Variants in TJP3 observed in about 807,000 individuals in gnomAD.
The protein encoded by TJP3 is tight junction protein 3, also known as tight junction protein ZO-3.
A neutral mutation model predicts 104.2 loss-of-function variants in TJP3; 85 were observed. The observed-to-expected ratio is 0.82, with a 90% CI of 0.68 to 0.98. The LOEUF is 0.98. TJP3 is among the 50% of genes least tolerant of loss of function. The probability of loss-of-function intolerance (pLI) is 0.00; values close to 1 mark genes in which losing one functional copy is unlikely to be tolerated. For synonymous variants in TJP3, 550 were observed against 550.6 expected, an observed-to-expected ratio of 1.00 and a Z score of 0.02; for missense variants, 1,367 against 1,322.8, an observed-to-expected ratio of 1.03 and a Z score of -0.52.
chr19:3,746,708 G>A lies in TJP3; in HGVS notation c.2221+13G>A. ...CACCTCTTCACAGGTTGGGGGGTGGGTGTCCCAGGGTAGGCGGGTGGGCCC... is the reference window on the plus strand; with the variant it reads ...CACCTCTTCACAGGTTGGGGGGTGGATGTCCCAGGGTAGGCGGGTGGGCCC... On this transcript the variant is annotated intron_variant, in intron 17 of 20. Transcript: ENST00000541714. This position sits in a 1 kb window ranked among gnomAD's most constrained non-coding sequence, Gnocchi z 4.1. The A allele has an allele frequency of 1.2e-6, 2 of 1,606,302 alleles. No individual in the cohort carries two copies. Among genetic ancestry groups the A allele is most frequent in the Non-Finnish European group, 1.7e-6 (2 of 1,176,474 alleles).
Position 3,746,853 on chromosome 19 carries a change from C to T in TJP3, c.2299C>T (p.Pro767Ser), listed in dbSNP as rs2036901713. ...CATCATTCGAGAGCAGCAGACGCGG[C>T]CCATCTGGACGGCGGAAGATCAGGT... Reference protein sequence around the residue: ...KAIIREQQTRPIWTAEDQLDG... With the variant: ...KAIIREQQTRSIWTAEDQLDG... The change falls in exon 18 of 21, where the codon CCC becomes TCC. Residue 767 changes from proline to serine, a missense_variant. Coordinates refer to ENST00000541714, the MANE Select transcript of TJP3 (RefSeq NM_001267560.2). The surrounding 1 kb of genome is among the most constrained non-coding windows in gnomAD (Gnocchi z 4.1). 1 of 1,610,238 alleles carries T rather than the reference C, an allele frequency of 6.2e-7. No individual in the cohort carries two copies.
chr19:3,730,508 G>A lies in TJP3; in HGVS notation c.415G>A (p.Gly139Ser), dbSNP rs374787420. ...TGACGGCGACTCATCCAGTGGCTCCGGCCGCTCCTGGGACGAGCGCTCCCG... is the reference window on the plus strand; with the variant it reads ...TGACGGCGACTCATCCAGTGGCTCCAGCCGCTCCTGGGACGAGCGCTCCCG... The part of the protein sequence containing the change: ...GYDGDSSSGS[G>S]RSWDERSRRP... The change falls in exon 5 of 21, where the codon GGC (glycine) becomes AGC (serine). Residue 139 changes from glycine (G) to serine (S), a missense_variant. Gly to Ser is a moderately conservative substitution (Grantham distance 56, BLOSUM62 0). Coordinates refer to ENST00000541714, the MANE Select transcript of TJP3 (RefSeq NM_001267560.2). The surrounding 1 kb of genome is among the most constrained non-coding windows in gnomAD (Gnocchi z 7.3). The A allele has an allele frequency of 3.0e-5, 47 of 1,588,290 alleles. No homozygotes were observed. Among genetic ancestry groups the A allele is most frequent in the Admixed American group, 2.6e-4 (15 of 57,412 alleles).
At chr19:3,714,181 C>T (rs1461530279) in intron 1 of TJP3, among the ~76,000 whole-genome samples, 1 of 152,098 alleles carries the variant, frequency 6.6e-6, no homozygotes, top group Non-Finnish European at 1.5e-5. Flanking sequence ...TCCTGAGTAG[C>T]AGGGATTACA....
At chr19:3,731,064 C>CT (rs1257499689) in intron 5 of TJP3, among the ~76,000 whole-genome samples, 2 of 152,224 alleles carry the variant, frequency 1.3e-5, no homozygotes, top group African/African-American at 4.8e-5. Context: ...TTTTCTGTCC[C>CT]TTTCTGCCTG....
In TJP3 at chr19:3,747,968, G is replaced by A. The variant is rs1324575611; in HGVS notation, c.2497G>A (p.Val833Met). 1 of 1,612,894 alleles carries A rather than the reference G, an allele frequency of 6.2e-7. No individual in the cohort carries two copies. Among genetic ancestry groups the A allele is most frequent in the East Asian group, 2.2e-5 (1 of 44,864 alleles). The part of the protein sequence containing the change: ...TDGEGGPYTD[V>M]DDEPPAPALA... ...CGGCGAGGGGGGGCCCTACACGGAT[G>A]TGGATGATGAGCCCCCGGCTCCAGC... The change falls in exon 19 of 21, where the codon GTG becomes ATG. Residue 833 changes from valine to methionine, a missense_variant. Physicochemically the swap from Val to Met is conservative, Grantham distance 21 (BLOSUM62 1). Coordinates refer to ENST00000541714, the MANE Select transcript of TJP3 (RefSeq NM_001267560.2).
Position 3,735,656 on chromosome 19 carries a change from A to G in TJP3, c.1060+17A>G. 6.2e-7 allele frequency: 1 copy of G among 1,614,044 alleles called. No individual in the cohort carries two copies. Among genetic ancestry groups the G allele is most frequent in the Non-Finnish European group, 8.5e-7 (1 of 1,179,940 alleles). On this transcript the variant is annotated intron_variant, in intron 9 of 20. Coordinates refer to ENST00000541714, the MANE Select transcript of TJP3 (RefSeq NM_001267560.2). ...AACGGTCAGGTGGGTGGTGACTCTG[A>G]GCACCCCTGTCCCTGACATTTCTGA...
chr19:3,747,724 G>T (rs984119329), intron 18 of TJP3, 70 bp from the exon 19 acceptor site: 6 of 1,450,078 alleles, frequency 4.1e-6, no homozygotes, highest in East Asian at 2.5e-5. Context: ...GTTTGAAGGT[G>T]GGGGGATGTC....
intron 1 of TJP3, among the ~76,000 whole-genome samples, chr19:3,711,794 C>G (rs868373892): frequency 8.7e-5 from 13 of 148,632 alleles, no homozygotes; most frequent in African/African-American, 3.0e-4. Context: ...AATATGGGAA[C>G]CGGTAAGACT....
intron 1 of TJP3, among the ~76,000 whole-genome samples, chr19:3,713,686 T>A (rs2036452478): frequency 6.6e-6 from 1 of 152,168 alleles, no homozygotes; most frequent in African/African-American, 2.4e-5. Context: ...TATTTACTTT[T>A]CTGTAACTTT....
chr19:3,713,491 A>G (rs901449801), intron 1 of TJP3, among the ~76,000 whole-genome samples: 1 of 152,216 alleles, frequency 6.6e-6, no homozygotes, highest in African/African-American at 2.4e-5. Flanking sequence ...GTGACAGCCA[A>G]CTACCAGGTG....
intron 7 of TJP3, 64 bp downstream of exon 7, chr19:3,733,976 C>G: frequency 6.4e-7 from 1 of 1,564,284 alleles, no homozygotes; most frequent in East Asian, 2.4e-5. Flanking sequence ...GTGGGAAGCC[C>G]CAGGCAGGGC....
chr19:3,730,790 C>T lies in TJP3; in HGVS notation c.613+84C>T. The T allele has an allele frequency of 1.4e-6, 2 of 1,403,422 alleles. No individual in the cohort carries two copies. Among genetic ancestry groups the T allele is most frequent in the Non-Finnish European group, 1.9e-6 (2 of 1,052,834 alleles). The allele number at this position is 1,403,422 out of a possible 1,614,324, so 86.9% of individuals were successfully genotyped here. ...ATGGGCGACGGTTTCAAGTGATTCT[C>T]CTGCCTCAGCCTCCCTGGTGGCTGG... On this transcript the variant is annotated intron_variant, in intron 5 of 20. Transcript: ENST00000541714. This position sits in a 1 kb window ranked among gnomAD's most constrained non-coding sequence, Gnocchi z 7.3.
In TJP3 at chr19:3,734,413, G is replaced by T; in HGVS notation, c.964G>T (p.Ala322Ser). ...PPRHAQRSPE[A>S]SQTDSPVESP... ...CCGGCATGCTCAGCGGAGCCCCGAG[G>T]CCAGCCAGACCGACTCTCCCGTGTA... Residue 322 changes from alanine (A) to serine (S), a missense_variant, in exon 8 of 21, where the codon GCC becomes TCC. Physicochemically the swap from Ala to Ser is moderately conservative, Grantham distance 99 (BLOSUM62 1). Transcript: ENST00000541714. The T allele has an allele frequency of 6.2e-7, 1 of 1,610,898 alleles. No individual in the cohort carries two copies.
At chr19:3,717,006 C>T (rs1254938434) in intron 1 of TJP3, among the ~76,000 whole-genome samples, 2 of 140,304 alleles carry the variant, frequency 1.4e-5, no homozygotes, top group South Asian at 2.5e-4. Context: ...GCTCTTGTTG[C>T]CCAGGCTGGA....
chr19:3,739,800 C>T (rs516350), intron 13 of TJP3, among the ~76,000 whole-genome samples: 37,913 of 151,984 alleles, frequency 0.25, 5,701 homozygotes, highest in Non-Finnish European at 0.34. Flanking sequence ...GCCCCTTCCT[C>T]CCCCTTCATA....
At chr19:3,742,908 G>GTGAGC (rs1239629074) in intron 14 of TJP3, among the ~76,000 whole-genome samples, 2 of 151,558 alleles carry the variant, frequency 1.3e-5, no homozygotes, top group African/African-American at 2.4e-5. Context: ...GGAGGTTGCA[G>GTGAGC]TGAGCCAAGA....
Position 3,730,106 on chromosome 19 carries a change from G to C in TJP3, c.237G>C (p.Lys79Asn). The change falls in exon 4 of 21, where the codon AAG becomes AAC. Residue 79 changes from lysine (K) to asparagine (N), a missense_variant. Physicochemically the swap from Lys to Asn is moderately conservative, Grantham distance 94. Coordinates refer to ENST00000541714, the MANE Select transcript of TJP3 (RefSeq NM_001267560.2). This position sits in a 1 kb window ranked among gnomAD's most constrained non-coding sequence, Gnocchi z 7.3. ...CCGCGTTTGCCATTCAGATACTCAA[G>C]ACCTGCACCAAGATGGCCAACATCG... ...ATSAFAIQIL[K>N]TCTKMANITV... 1.2e-6 allele frequency: 2 copies of C among 1,614,178 alleles called. No homozygotes were observed. The highest frequency in any genetic ancestry group is 1.7e-6 in the Non-Finnish European group (2 of 1,180,036).
In TJP3 at chr19:3,728,628, G is replaced by A. The variant is rs1451473056; in HGVS notation, c.73G>A (p.Ala25Thr). ...GGACCCCCGCCGGGGCTTTGGCATTGCGATCTCTGGAGGCCGAGACCGGCC... is the reference window on the plus strand; with the variant it reads ...GGACCCCCGCCGGGGCTTTGGCATTACGATCTCTGGAGGCCGAGACCGGCC... ...SKDPRRGFGI[A>T]ISGGRDRPGG... The change falls in exon 3 of 21, where the codon GCG becomes ACG. Residue 25 changes from alanine to threonine, a missense_variant. Transcript: ENST00000541714. 2.5e-6 allele frequency: 4 copies of A among 1,613,414 alleles called. No homozygotes were observed. Among genetic ancestry groups the A allele is most frequent in the Non-Finnish European group, 3.4e-6 (4 of 1,179,952 alleles).
chr19:3,722,853 TG>T (rs2036554791), intron 1 of TJP3, among the ~76,000 whole-genome samples: 1 of 1,936 alleles, frequency 5.2e-4, no homozygotes, highest in African/African-American at 1.9e-3. Flanking sequence ...GGAGATGGGG[TG>T]GCGGGGGGGG....
Sources: gnomAD v4.1 joint callset for allele counts (sites outside exome capture counted in the v4.1 genomes callset) on GRCh38, gnomAD v4.1.1 for gene constraint, Gnocchi (gnomAD v3.1) non-coding constraint, MANE v1.5 for transcripts, NCBI Gene and HGNC (gene_info 2026-07-23, HGNC 2026-07-21) for gene names.